Variants in TSPAN5 observed in about 807,000 individuals in gnomAD.
TSPAN5 encodes tetraspanin 5.
TSPAN5 carries 10 observed loss-of-function variants against 37.1 expected under a neutral mutation model. That is an observed-to-expected ratio of 0.27 (90% CI 0.17 to 0.46). TSPAN5 has a LOEUF of 0.46. TSPAN5 is among the 20% of genes least tolerant of loss of function. The pLI, the probability that TSPAN5 is intolerant of heterozygous loss-of-function variation, is 1.00. For missense variants in TSPAN5, 195 were observed against 326.6 expected (o/e 0.60, Z 3.11); for synonymous variants, 110 against 118.9 (o/e 0.93, Z 0.48).
intron 1 of TSPAN5, among the ~76,000 whole-genome samples, chr4:98,648,891 T>A (rs953144722): frequency 6.6e-6 from 1 of 152,176 alleles, no homozygotes; most frequent in Non-Finnish European, 1.5e-5. Flanking sequence ...CAGGACCCCA[T>A]CCTGGATGGA....
intron 1 of TSPAN5, among the ~76,000 whole-genome samples, chr4:98,539,442 CTCCCCTCT>C (rs909916262): frequency 6.6e-6 from 1 of 152,184 alleles, no homozygotes; most frequent in African/African-American, 2.4e-5. Flanking sequence ...ATTGCCCTTA[CTCCCCTCT>C]TCCCCAAACC....
chr4:98,485,389 G>C (rs1444215084), intron 3 of TSPAN5: 1 of 152,250 alleles, frequency 6.6e-6, no homozygotes, highest in Non-Finnish European at 1.5e-5. Flanking sequence ...GGGAGAGAGA[G>C]AGAGACACTG....
At chr4:98,571,925 G>C (rs1755132326) in intron 1 of TSPAN5, among the ~76,000 whole-genome samples, 3 of 152,076 alleles carry the variant, frequency 2.0e-5, no homozygotes, top group Admixed American at 2.0e-4. Context: ...GGTGGAGAGA[G>C]ACAAGAAAAG....
chr4:98,477,005 GTTGT>G (rs1228083572), intron 5 of TSPAN5, among the ~76,000 whole-genome samples: 1 of 152,210 alleles, frequency 6.6e-6, no homozygotes, highest in African/African-American at 2.4e-5. Flanking sequence ...ACTTTTTCGG[GTTGT>G]TTATTTTCCT....
chr4:98,627,862 T>C (rs1422804015), intron 1 of TSPAN5, among the ~76,000 whole-genome samples: 1 of 152,096 alleles, frequency 6.6e-6, no homozygotes, highest in African/African-American at 2.4e-5. Context: ...AGAGAATGAT[T>C]AAATATAAAA....
At chr4:98,627,634 T>G (rs1756638332) in intron 1 of TSPAN5, among the ~76,000 whole-genome samples, 1 of 152,176 alleles carries the variant, frequency 6.6e-6, no homozygotes. Context: ...TAAGTATAAA[T>G]GCAAATAAAC....
At chr4:98,528,059 G>A (rs1753999116) in intron 1 of TSPAN5, among the ~76,000 whole-genome samples, 1 of 152,134 alleles carries the variant, frequency 6.6e-6, no homozygotes, top group Non-Finnish European at 1.5e-5. Context: ...TTGCCCAACA[G>A]GCAGAGAGAC....
intron 1 of TSPAN5, among the ~76,000 whole-genome samples, chr4:98,605,823 T>C (rs1046130089): frequency 4.6e-5 from 7 of 152,198 alleles, no homozygotes; most frequent in Admixed American, 2.0e-4. Flanking sequence ...CCATCCAGCA[T>C]TGGTCAAAAA....
chr4:98,482,975 A>G (rs1324734103), intron 3 of TSPAN5: 1 of 152,212 alleles, frequency 6.6e-6, no homozygotes, highest in Non-Finnish European at 1.5e-5. Flanking sequence ...AACTGCCCGT[A>G]ACTCTGGAGA....
intron 1 of TSPAN5, among the ~76,000 whole-genome samples, chr4:98,544,975 AC>A (rs1380281493): frequency 6.6e-6 from 1 of 152,128 alleles, no homozygotes; most frequent in African/African-American, 2.4e-5. Flanking sequence ...CTCCATTCTG[AC>A]CTTGTGGCTT....
At chr4:98,610,904 G>A (rs1308181758) in intron 1 of TSPAN5, among the ~76,000 whole-genome samples, 12 of 152,090 alleles carry the variant, frequency 7.9e-5, no homozygotes, top group African/African-American at 2.2e-4. Flanking sequence ...CCCTGACCCC[G>A]CTCCCCAGGT....
At chr4:98,625,279 CT>C (rs1756574703) in intron 1 of TSPAN5, among the ~76,000 whole-genome samples, 1 of 152,168 alleles carries the variant, frequency 6.6e-6, no homozygotes, top group East Asian at 1.9e-4. Context: ...AATGGATTAA[CT>C]CTCAATCCTT....
chr4:98,607,742 C>CT (rs1756074249), intron 1 of TSPAN5, among the ~76,000 whole-genome samples: 2 of 150,372 alleles, frequency 1.3e-5, no homozygotes, highest in Non-Finnish European at 2.9e-5. Flanking sequence ...TGGAGTCTCA[C>CT]TCTTGTCACC....
At chr4:98,474,291 C>T (rs1020573098) in intron 7 of TSPAN5, among the ~76,000 whole-genome samples, 1 of 152,312 alleles carries the variant, frequency 6.6e-6, no homozygotes, top group South Asian at 2.1e-4. Flanking sequence ...AATGACTGCT[C>T]TTTCCCTATT....
At chr4:98,571,735 C>G (rs1236774139) in intron 1 of TSPAN5, among the ~76,000 whole-genome samples, 1 of 152,082 alleles carries the variant, frequency 6.6e-6, no homozygotes, top group Non-Finnish European at 1.5e-5. Context: ...GTAAAATGGG[C>G]ATCAAACTAT....
chr4:98,525,939 T>C (rs1418606710), intron 1 of TSPAN5, among the ~76,000 whole-genome samples: 1 of 152,260 alleles, frequency 6.6e-6, no homozygotes, highest in East Asian at 1.9e-4. Context: ...GTCTGTATAC[T>C]ATTTTCTCAT....
intron 1 of TSPAN5, among the ~76,000 whole-genome samples, chr4:98,527,449 C>A (rs942313316): frequency 4.6e-5 from 7 of 152,088 alleles, no homozygotes; most frequent in African/African-American, 1.7e-4. Flanking sequence ...TCTTAACGAC[C>A]CTAAAAATAT....
intron 3 of TSPAN5, chr4:98,483,051 C>T (rs924526369): frequency 6.6e-6 from 1 of 152,346 alleles, no homozygotes. Context: ...ACTGCTCACG[C>T]CCACTGTTTT....
At chr4:98,522,157 C>T (rs1341137623) in intron 1 of TSPAN5, among the ~76,000 whole-genome samples, 2 of 152,188 alleles carry the variant, frequency 1.3e-5, no homozygotes, top group Admixed American at 1.3e-4. Flanking sequence ...TTACACGCTC[C>T]CGTGGCCTAT....
Sources: gnomAD v4.1 joint callset for allele counts (sites outside exome capture counted in the v4.1 genomes callset) on GRCh38, gnomAD v4.1.1 for gene constraint, MANE v1.5 for transcripts, NCBI Gene and HGNC (gene_info 2026-07-23, HGNC 2026-07-21) for gene names.